Variants in RSPH1 observed in about 807,000 individuals in gnomAD.
RSPH1 encodes the protein radial spoke head 1 homolog.
Under a neutral mutation model 44.2 loss-of-function variants are expected in RSPH1, and 32 were observed. The observed-to-expected ratio is 0.72, with a 90% confidence interval of 0.55 to 0.97. RSPH1 has a LOEUF of 0.97. Ranked by LOEUF, RSPH1 falls within the 50% of genes least tolerant of loss-of-function variation. The pLI is 0.00. For missense variants in RSPH1, 391 were observed against 398.7 expected (o/e 0.98, Z 0.16); for synonymous variants, 134 against 147.3 (o/e 0.91, Z 0.65).
chr21:42,477,038 C>T lies in RSPH1; in HGVS notation c.727+253G>A, dbSNP rs372694991. 3.5e-4 allele frequency among the ~76,000 whole-genome samples: 49 copies of T among 139,454 alleles called. 2 individuals carry two copies. Among genetic ancestry groups the T allele is most frequent in the African/African-American group, 1.0e-3 (38 of 38,058 alleles). 91.5% of individuals were successfully genotyped at this position (139,454 alleles called of 152,430 possible). On this transcript the variant is annotated intron_variant, in intron 7 of 8. Coordinates refer to ENST00000291536, the MANE Select transcript of RSPH1 (RefSeq NM_080860.4). The stretch of plus-strand genomic sequence containing the variant: ...GCCCCACACCCTCTGTCCCACAGCC[C>T]GGGGGTGCCCCACACCCTCTGCCCC...
At chr21:42,475,567 C>CAAA (rs549479473) in intron 8 of RSPH1, among the ~76,000 whole-genome samples, 1 of 112,148 alleles carries the variant, frequency 8.9e-6, no homozygotes, top group Non-Finnish European at 1.9e-5. Flanking sequence ...GACTCCATCT[C>CAAA]AAAAAAAAAA....
At chr21:42,489,279 G>T (rs1034411718) in intron 3 of RSPH1, among the ~76,000 whole-genome samples, 9 of 152,100 alleles carry the variant, frequency 5.9e-5, no homozygotes, top group Non-Finnish European at 1.3e-4. Context: ...TTGGTTGGTT[G>T]GTTGGTTGGT....
At chr21:42,478,572 G>A (rs1003582098) in intron 6 of RSPH1, among the ~76,000 whole-genome samples, 1 of 152,208 alleles carries the variant, frequency 6.6e-6, no homozygotes, top group African/African-American at 2.4e-5. Flanking sequence ...ATAAAACCAA[G>A]AGGTGGAACC....
chr21:42,493,483 C>T (rs978079598), intron 1 of RSPH1, among the ~76,000 whole-genome samples: 2 of 152,138 alleles, frequency 1.3e-5, no homozygotes, highest in African/African-American at 2.4e-5. Flanking sequence ...AATACCTCCC[C>T]GTTTGCTTCC....
rs1156777333 is a variant in RSPH1, at chr21:42,492,959, T to C, written c.168+7A>G. Reference sequence around the variant, plus strand: ...GAAAACCATCCAGTCAAGTCAACGGTTCTGACCTGGCCATGTCTTTTACCG... The same window carrying C: ...GAAAACCATCCAGTCAAGTCAACGGCTCTGACCTGGCCATGTCTTTTACCG... On this transcript the variant is annotated splice_region_variant and intron_variant, in intron 2 of 8. Coordinates refer to ENST00000291536, the MANE Select transcript of RSPH1 (RefSeq NM_080860.4). The C allele has an allele frequency of 6.2e-7, 1 of 1,613,214 alleles. No homozygotes were observed. Among genetic ancestry groups the C allele is most frequent in the Non-Finnish European group, 8.5e-7 (1 of 1,179,170 alleles).
intron 3 of RSPH1, among the ~76,000 whole-genome samples, chr21:42,487,287 C>T (rs1411061134): frequency 1.3e-5 from 2 of 152,194 alleles, no homozygotes; most frequent in Non-Finnish European, 1.5e-5. Context: ...TCTTACAGCT[C>T]ACTTAGGAAA....
In RSPH1 at chr21:42,492,733, A is replaced by C. The variant is rs748611940; in HGVS notation, c.274+25T>G. 31 of 1,383,826 alleles carry C rather than the reference A, an allele frequency of 2.2e-5. No individual in the cohort carries two copies. The Admixed American group carries it at 3.4e-4, about 15-fold the overall frequency. 85.7% of individuals were successfully genotyped at this position (1,383,826 alleles called of 1,614,324 possible). ...GAAAGAAAAACTTCTGTAACACGAA[A>C]ATCTGCTTAGTGATAACATTTTACC... On this transcript the variant is annotated intron_variant, in intron 3 of 8. Transcript: ENST00000291536.
At chr21:42,480,083 A>G (rs754662136) in intron 6 of RSPH1, among the ~76,000 whole-genome samples, 2 of 152,204 alleles carry the variant, frequency 1.3e-5, no homozygotes, top group Non-Finnish European at 2.9e-5. Context: ...ACCATGAGCA[A>G]CCATGGGCTG....
chr21:42,490,473 G>A (rs2054225689), intron 3 of RSPH1, among the ~76,000 whole-genome samples: 1 of 152,158 alleles, frequency 6.6e-6, no homozygotes, highest in Non-Finnish European at 1.5e-5. Context: ...TATAACTTCT[G>A]ACCTCAGTTT....
chr21:42,488,876 A>G (rs2054206561), intron 3 of RSPH1, among the ~76,000 whole-genome samples: 2 of 152,172 alleles, frequency 1.3e-5, no homozygotes, highest in South Asian at 2.1e-4. Flanking sequence ...TTAAATTTGC[A>G]CTTAATTTTT....
rs995888478 is a variant in RSPH1, at chr21:42,486,671, A to C, written c.275-210T>G. On this transcript the variant is annotated intron_variant, in intron 3 of 8. Transcript: ENST00000291536. ...GGCTGCTATCTGTTTCCACTCTGAC[A>C]TCCCTCCACCCCTTCCTTTTGTGCC... 8.5e-5 allele frequency among the ~76,000 whole-genome samples: 13 copies of C among 152,266 alleles called. No individual in the cohort carries two copies. In the East Asian group the frequency reaches 2.1e-3, roughly 25 times the overall value.
At chr21:42,487,661 C>T (rs1210695376) in intron 3 of RSPH1, among the ~76,000 whole-genome samples, 1 of 152,074 alleles carries the variant, frequency 6.6e-6, no homozygotes, top group East Asian at 1.9e-4. Context: ...TTTATACCAA[C>T]TTTATATTTT....
chr21:42,482,232 C>T (rs997839252), intron 6 of RSPH1, among the ~76,000 whole-genome samples: 9 of 152,094 alleles, frequency 5.9e-5, no homozygotes, highest in South Asian at 4.1e-4. Context: ...TACAGGCATG[C>T]GCCACCATGC....
intron 6 of RSPH1, 78 bp from the exon 7 acceptor site, chr21:42,477,522 G>T: frequency 2.0e-6 from 3 of 1,486,138 alleles, no homozygotes; most frequent in East Asian, 2.3e-5. Flanking sequence ...AGGGAGGAAG[G>T]ACAAGTTTTG....
intron 8 of RSPH1, 55 bp downstream of exon 8, chr21:42,475,843 G>C: frequency 6.3e-7 from 1 of 1,586,908 alleles, no homozygotes; most frequent in Non-Finnish European, 8.6e-7. Flanking sequence ...GAATCCCACT[G>C]TTCGTGGCCC....
rs116480603 is a variant in RSPH1 at position 42,493,014 on chromosome 21, G to A, written c.120C>T (p.Asn40=). The A allele has an allele frequency of 1.8e-3, 2,865 of 1,614,142 alleles. 59 individuals carry two copies. The African/African-American group carries it at 0.034, about 19-fold the overall frequency. ...RHGRGRARLP[N]GDTYEGSYEF... ...CGTAGCTCCCTTCGTAGGTGTCCCCGTTGGGTAGCCGTGCCCTCCCACGTC... is the reference window on the plus strand; with the variant it reads ...CGTAGCTCCCTTCGTAGGTGTCCCCATTGGGTAGCCGTGCCCTCCCACGTC... Residue 40 remains asparagine (N), a synonymous_variant, in exon 2 of 9, where the codon AAC becomes AAT. Coordinates refer to ENST00000291536, the MANE Select transcript of RSPH1 (RefSeq NM_080860.4).
rs775577840 is a variant in RSPH1, at chr21:42,493,063, C to T, written c.71G>A (p.Arg24Gln). The T allele has an allele frequency of 1.3e-5, 21 of 1,613,752 alleles. No individual in the cohort carries two copies. Among genetic ancestry groups the T allele is most frequent in the African/African-American group, 4.0e-5 (3 of 74,884 alleles). ...ENDIGEYEGG[R>Q]NEAGERHGRG... Reference sequence around the variant, plus strand: ...TCCGTGCCTTTCGCCTGCCTCATTCCGACCCCCCTCATATTCCTGGGTAAT... The same window carrying T: ...TCCGTGCCTTTCGCCTGCCTCATTCTGACCCCCCTCATATTCCTGGGTAAT... The change falls in exon 2 of 9, where the codon CGG (arginine) becomes CAG (glutamine). Residue 24 changes from arginine to glutamine, a missense_variant. Coordinates refer to ENST00000291536, the MANE Select transcript of RSPH1 (RefSeq NM_080860.4).
chr21:42,480,769 G>T (rs1377737642), intron 6 of RSPH1, among the ~76,000 whole-genome samples: 1 of 152,038 alleles, frequency 6.6e-6, no homozygotes, highest in African/African-American at 2.4e-5. Context: ...TGGAGCATTA[G>T]GTAGAGACAG....
chr21:42,487,944 C>A (rs1369342095), intron 3 of RSPH1, among the ~76,000 whole-genome samples: 1 of 152,212 alleles, frequency 6.6e-6, no homozygotes, highest in Non-Finnish European at 1.5e-5. Flanking sequence ...CAGTGCATGT[C>A]CCCAGGGCGC....
Sources: gnomAD v4.1 joint callset for allele counts (sites outside exome capture counted in the v4.1 genomes callset) on GRCh38, gnomAD v4.1.1 for gene constraint, MANE v1.5 for transcripts, NCBI Gene and HGNC (gene_info 2026-07-23, HGNC 2026-07-21) for gene names.